Variants in HBS1L observed in about 807,000 individuals in gnomAD.
The protein encoded by HBS1L is HBS1 like translational GTPase.
Under a neutral mutation model 88.9 loss-of-function variants are expected in HBS1L, and 55 were observed. That is an observed-to-expected ratio of 0.62 (90% CI 0.50 to 0.77). The LOEUF (loss-of-function observed/expected upper bound fraction) is 0.77. Among genes scored for constraint, HBS1L ranks in the 30% least tolerant of loss-of-function variants. HBS1L has a pLI of 0.00. For synonymous variants in HBS1L, 267 were observed against 288.5 expected, an observed-to-expected ratio of 0.93 and a Z score of 0.76; for missense variants, 741 against 829.3, an observed-to-expected ratio of 0.89 and a Z score of 1.31.
Position 134,971,895 on chromosome 6 carries a change from C to T in HBS1L, c.1798-2557G>A, listed in dbSNP as rs530069328. Among the ~76,000 whole-genome samples, 298 of 152,116 alleles carry T rather than the reference C, an allele frequency of 2.0e-3. 1 individual carries two copies. The highest frequency in any genetic ancestry group is 3.4e-3 in the Middle Eastern group (1 of 294). ...AATCACTTATCTGCAATTCCCAAGTCCCAAAAGACTGAAAATTTGAAGTTT... is the reference window on the plus strand; with the variant it reads ...AATCACTTATCTGCAATTCCCAAGTTCCAAAAGACTGAAAATTTGAAGTTT... On this transcript the variant is annotated intron_variant, in intron 15 of 17. Transcript: ENST00000367837.
chr6:134,993,185 T>C (rs1775193410), intron 8 of HBS1L, among the ~76,000 whole-genome samples: 1 of 152,186 alleles, frequency 6.6e-6, no homozygotes. Flanking sequence ...TCACAAATGA[T>C]GAAACTGCCT....
intron 10 of HBS1L, 54 bp from the exon 11 acceptor site, chr6:134,986,237 A>G: frequency 3.4e-6 from 3 of 887,090 alleles, no homozygotes; most frequent in Non-Finnish European, 5.6e-6. Context: ...AAAACATTAA[A>G]AGATTCACCA....
At chr6:134,975,651 T>C (rs1774621743) in intron 15 of HBS1L, among the ~76,000 whole-genome samples, 1 of 152,018 alleles carries the variant, frequency 6.6e-6, no homozygotes. Flanking sequence ...AAAACATAAA[T>C]TGGGGAAAGG....
At chr6:134,992,835 GTACAGTGTTTGTAAAGTA>G (rs1775182305) in intron 8 of HBS1L, among the ~76,000 whole-genome samples, 1 of 152,158 alleles carries the variant, frequency 6.6e-6, no homozygotes, top group Non-Finnish European at 1.5e-5. Context: ...TCCCCTGAGT[GTACAGTGTTTGTAAAGTA>G]TACAGTCGTG....
rs148585716 is a variant in HBS1L, at chr6:135,050,081, G to C, written c.109+501C>G. Among the ~76,000 whole-genome samples the C allele has an allele frequency of 4.7e-3, 718 of 152,312 alleles. 4 individuals are homozygous for C. Among genetic ancestry groups the C allele is most frequent in the African/African-American group, 0.016 (653 of 41,570 alleles). ...AATCTAGAAGATGCAGCTCTGATGT[G>C]GAATTATACAGAAATATGAATGCCA... On this transcript the variant is annotated intron_variant, in intron 2 of 17. Transcript: ENST00000367837.
chr6:135,048,326 T>TC (rs1248838805), intron 2 of HBS1L, among the ~76,000 whole-genome samples: 1 of 152,128 alleles, frequency 6.6e-6, no homozygotes, highest in Non-Finnish European at 1.5e-5. Context: ...GCCTCTTCAC[T>TC]CCCCAGACAA....
At chr6:134,977,216 G>T (rs1015823445) in intron 15 of HBS1L, among the ~76,000 whole-genome samples, 2 of 151,894 alleles carry the variant, frequency 1.3e-5, no homozygotes, top group African/African-American at 4.8e-5. Flanking sequence ...TGAAAAACTT[G>T]CAATTCATGC....
chr6:134,987,892 G>C lies in HBS1L; in HGVS notation c.1084-101C>G, dbSNP rs926473466. 27 of 979,012 alleles carry C rather than the reference G, an allele frequency of 2.8e-5. No individual in the cohort carries two copies. The South Asian group carries it at 6.5e-4, about 24-fold the overall frequency. 60.6% of individuals were successfully genotyped at this position (979,012 alleles called of 1,614,324 possible). A position where few individuals can be genotyped will look rare whatever the true frequency, so the allele number is the denominator to read the frequency against. On this transcript the variant is annotated intron_variant, in intron 8 of 17. Coordinates refer to ENST00000367837, the MANE Select transcript of HBS1L (RefSeq NM_006620.4). ...TATGTTAGTCACATTTTTAAAGGAA[G>C]ACCCTAACTACCCCCACCAAAGCAA... is the stretch of plus-strand genomic sequence containing the variant.
chr6:135,037,531 T>C lies in HBS1L; in HGVS notation c.430+2042A>G, dbSNP rs967442430. 10 of 1,550,630 alleles carry C rather than the reference T, an allele frequency of 6.4e-6. No homozygotes were observed. The Admixed American group carries it at 9.8e-5, about 15-fold the overall frequency. ...TAAACTGTCCTGTACTGGAATGTTT[T>C]GAAAATCAGACAGTGAATTATTTTG... On this transcript the variant is annotated intron_variant, in intron 4 of 17. Coordinates refer to ENST00000367837, the MANE Select transcript of HBS1L (RefSeq NM_006620.4).
At chr6:134,997,727 G>C in intron 5 of HBS1L, 71 bp from the exon 6 acceptor site, 1 of 1,383,284 alleles carries the variant, frequency 7.2e-7, no homozygotes, top group Non-Finnish European at 1.0e-6. Flanking sequence ...CAGAAGGGCA[G>C]AGAAACTGTT....
Position 134,968,644 on chromosome 6 carries a change from G to A in HBS1L, c.1898+594C>T, listed in dbSNP as rs12663810. On this transcript the variant is annotated intron_variant, in intron 16 of 17. Transcript: ENST00000367837. ...GAAGTACTTAAAAAATCCCAATCTC[G>A]TCCTAGCCAAAGGGGAAGTGTCACA... Among the ~76,000 whole-genome samples the A allele has an allele frequency of 2.4e-3, 358 of 151,698 alleles. 4 individuals are homozygous for A. The highest frequency in any genetic ancestry group is 8.1e-3 in the African/African-American group (333 of 41,324).
chr6:135,035,280 T>C (rs901937811), intron 4 of HBS1L, among the ~76,000 whole-genome samples: 2 of 151,242 alleles, frequency 1.3e-5, no homozygotes, highest in East Asian at 1.9e-4. Flanking sequence ...TGAAACCCCG[T>C]CTCTACTAAA....
chr6:135,038,210 G>A (rs999024166), intron 4 of HBS1L, among the ~76,000 whole-genome samples: 50 of 152,078 alleles, frequency 3.3e-4, no homozygotes, highest in African/African-American at 1.1e-3. Context: ...CAATAAGGGA[G>A]TATTACCTTC....
intron 13 of HBS1L, 142 bp from the exon 14 acceptor site, chr6:134,979,410 CTG>C (rs1161165839): frequency 7.9e-6 from 5 of 636,090 alleles, no homozygotes; most frequent in African/African-American, 1.8e-5. Context: ...AGAAGTGTAA[CTG>C]TGAGCGTTGA....
At chr6:135,020,227 C>T (rs1047438140) in intron 4 of HBS1L, among the ~76,000 whole-genome samples, 1 of 151,126 alleles carries the variant, frequency 6.6e-6, no homozygotes, top group African/African-American at 2.4e-5. Flanking sequence ...ACATAATAAT[C>T]CACTTTTTAA....
chr6:135,019,677 G>T (rs1451049715), intron 4 of HBS1L, among the ~76,000 whole-genome samples: 1 of 151,678 alleles, frequency 6.6e-6, no homozygotes, highest in Admixed American at 6.6e-5. Context: ...TACTCCATTT[G>T]AATAATCCTT....
chr6:135,017,128 T>G (rs1458434763), intron 4 of HBS1L, among the ~76,000 whole-genome samples: 1 of 152,218 alleles, frequency 6.6e-6, no homozygotes, highest in Admixed American at 6.5e-5. Context: ...TGTTGACTGG[T>G]TTCAGGTTCC....
At position 134,985,404 on chromosome 6, in the gene HBS1L, AG is replaced by A; in HGVS notation, c.1428del (p.Phe477LeufsTer29). 1 of 1,595,710 alleles carries A rather than the reference AG, an allele frequency of 6.3e-7. No homozygotes were observed. Among genetic ancestry groups the A allele is most frequent in the South Asian group, 1.1e-5 (1 of 87,780 alleles). ...KGLCLLEQID[S>X]FKPPQRSIDK... ...TCAATAGATCGCTGGGGAGGCTTAA[AG>A]GAATCTGGAAAAAAGAAATTGCAAA... On this transcript the variant is annotated frameshift_variant, in exon 12 of 18. Transcript: ENST00000367837. LOFTEE classifies it high-confidence loss of function.
intron 4 of HBS1L, among the ~76,000 whole-genome samples, chr6:135,021,133 T>C (rs537780660): frequency 6.6e-6 from 1 of 152,138 alleles, no homozygotes; most frequent in Admixed American, 6.5e-5. Context: ...ACTATAAAAC[T>C]AGGATAAAAA....
Sources: allele counts gnomAD v4.1 joint callset (sites outside exome capture counted in the v4.1 genomes callset), GRCh38; gene constraint gnomAD v4.1.1; transcripts MANE v1.5; gene names NCBI Gene and HGNC (gene_info 2026-07-23, HGNC 2026-07-21).